Variants in WDR49 observed in about 807,000 individuals in gnomAD.
The protein encoded by WDR49 is WD repeat domain 49.
In WDR49, 107 loss-of-function variants were observed where a neutral mutation model predicts 119.5. The ratio of observed to expected loss-of-function variants is 0.90; its 90% CI spans 0.77 to 1.05. The LOEUF (loss-of-function observed/expected upper bound fraction) is 1.05, where lower values mean the gene tolerates loss of function less well. Ranked by LOEUF, WDR49 falls within the 50% of genes least tolerant of loss-of-function variation. The pLI is 0.00. For missense variants in WDR49, 1,240 were observed against 1,220.5 expected (o/e 1.02, Z -0.24); for synonymous variants, 425 against 418.8 (o/e 1.01, Z -0.18).
At chr3:167,625,345 A>G (rs1379429291) in intron 3 of WDR49, among the ~76,000 whole-genome samples, 1 of 152,052 alleles carries the variant, frequency 6.6e-6, no homozygotes, top group Non-Finnish European at 1.5e-5. Flanking sequence ...ACAACTCAGT[A>G]GATTAAAACA....
intron 18 of WDR49, among the ~76,000 whole-genome samples, chr3:167,487,066 G>A (rs979159173): frequency 6.6e-6 from 1 of 152,034 alleles, no homozygotes; most frequent in African/African-American, 2.4e-5. Flanking sequence ...AGCCCAAATA[G>A]CTGAAGGAAT....
chr3:167,536,746 CAT>C (rs1343643597), intron 11 of WDR49, 122 bp downstream of exon 11: 61 of 342,634 alleles, frequency 1.8e-4, no homozygotes, highest in African/African-American at 1.2e-3. Context: ...CACACACACA[CAT>C]ACATATACAT....
chr3:167,640,718 A>G (rs1326742561), intron 2 of WDR49, among the ~76,000 whole-genome samples: 1 of 151,922 alleles, frequency 6.6e-6, no homozygotes, highest in Non-Finnish European at 1.5e-5. Flanking sequence ...GCTGTAAAAA[A>G]GAGGAAAATA....
chr3:167,522,620 C>T, intron 15 of WDR49, 136 bp from the exon 16 acceptor site: 1 of 764,974 alleles, frequency 1.3e-6, no homozygotes, highest in Non-Finnish European at 2.0e-6. Context: ...AGATATGACT[C>T]CGGTCCACAA....
intron 17 of WDR49, among the ~76,000 whole-genome samples, chr3:167,501,292 C>T (rs557735513): frequency 1.4e-4 from 21 of 152,212 alleles, no homozygotes; most frequent in African/African-American, 3.9e-4. Flanking sequence ...GCTTAGGATG[C>T]GTTAGTAATT....
intron 10 of WDR49, 50 bp downstream of exon 10, chr3:167,554,600 T>C (rs1388302058): frequency 1.6e-6 from 2 of 1,247,808 alleles, no homozygotes; most frequent in Non-Finnish European, 2.2e-6. Context: ...GATTTTTATG[T>C]TCTTTTTTCT....
At chr3:167,612,519 T>C (rs926219064) in intron 5 of WDR49, among the ~76,000 whole-genome samples, 17 of 151,280 alleles carry the variant, frequency 1.1e-4, no homozygotes, top group African/African-American at 3.9e-4. Flanking sequence ...ATACAGAAGA[T>C]TAATGAAACA....
chr3:167,606,422 C>T (rs1716068164), intron 5 of WDR49, among the ~76,000 whole-genome samples: 1 of 152,166 alleles, frequency 6.6e-6, no homozygotes, highest in East Asian at 1.9e-4. Context: ...TCTTCACCTG[C>T]TTCCTCAAGT....
chr3:167,517,073 G>A (rs951713798), intron 16 of WDR49, among the ~76,000 whole-genome samples: 72 of 152,310 alleles, frequency 4.7e-4, no homozygotes, highest in African/African-American at 1.5e-3. Flanking sequence ...AACAACAGGT[G>A]CTGGAGAGGA....
At chr3:167,598,455 G>A (rs531265129) in intron 7 of WDR49, among the ~76,000 whole-genome samples, 8 of 152,100 alleles carry the variant, frequency 5.3e-5, no homozygotes, top group South Asian at 2.1e-4. Flanking sequence ...GAGGTGATTC[G>A]ATCATTGGGG....
intron 18 of WDR49, among the ~76,000 whole-genome samples, chr3:167,488,300 C>T (rs1560245940): frequency 6.6e-6 from 1 of 151,656 alleles, no homozygotes; most frequent in African/African-American, 2.4e-5. Context: ...GAACAGAAAG[C>T]CAAATACCAC....
chr3:167,506,301 A>G (rs1751765570), intron 16 of WDR49, among the ~76,000 whole-genome samples: 1 of 152,142 alleles, frequency 6.6e-6, no homozygotes, highest in Admixed American at 6.5e-5. Context: ...TTTCCCCTCA[A>G]TGTAATGGGA....
At chr3:167,585,600 T>C (rs991174444) in intron 7 of WDR49, among the ~76,000 whole-genome samples, 1 of 152,014 alleles carries the variant, frequency 6.6e-6, no homozygotes, top group Admixed American at 6.6e-5. Context: ...AGATACTGTT[T>C]AGGAAAAAGC....
intron 7 of WDR49, among the ~76,000 whole-genome samples, chr3:167,576,811 T>C (rs1418339875): frequency 6.6e-6 from 1 of 152,174 alleles, no homozygotes; most frequent in Non-Finnish European, 1.5e-5. Context: ...TGTGCTCATG[T>C]ATTACACTAG....
chr3:167,612,615 GA>G (rs1716392931), intron 5 of WDR49, among the ~76,000 whole-genome samples: 1 of 151,942 alleles, frequency 6.6e-6, no homozygotes, highest in African/African-American at 2.4e-5. Context: ...AATAAAATCA[GA>G]AATGAAAAAG....
chr3:167,561,884 C>T (rs960658862), intron 8 of WDR49, among the ~76,000 whole-genome samples: 2 of 152,154 alleles, frequency 1.3e-5, no homozygotes, highest in African/African-American at 4.8e-5. Flanking sequence ...TCTATTCCTG[C>T]ACAGCATTCC....
intron 10 of WDR49, among the ~76,000 whole-genome samples, chr3:167,539,420 C>G (rs936321558): frequency 6.6e-6 from 1 of 152,206 alleles, no homozygotes; most frequent in Admixed American, 6.6e-5. Flanking sequence ...TCTACCTATT[C>G]ACACACCAAC....
intron 7 of WDR49, among the ~76,000 whole-genome samples, chr3:167,578,415 A>G (rs1714361888): frequency 6.6e-6 from 1 of 152,066 alleles, no homozygotes; most frequent in Non-Finnish European, 1.5e-5. Flanking sequence ...TTTTTTCCAC[A>G]ACACTAAATA....
At chr3:167,544,297 A>G (rs1712027259) in intron 10 of WDR49, among the ~76,000 whole-genome samples, 1 of 152,122 alleles carries the variant, frequency 6.6e-6, no homozygotes, top group Non-Finnish European at 1.5e-5. Context: ...CATTCTTCAC[A>G]GAATTAGAAA....
Sources: gnomAD v4.1 joint callset for allele counts (sites outside exome capture counted in the v4.1 genomes callset) on GRCh38, gnomAD v4.1.1 for gene constraint, MANE v1.5 for transcripts, NCBI Gene and HGNC (gene_info 2026-07-23, HGNC 2026-07-21) for gene names.